The following MAST4 variants were observed in gnomAD, a reference collection of about 807,000 sequenced individuals.
MAST4 encodes microtubule associated serine/threonine kinase family member 4, also known as microtubule-associated serine/threonine-protein kinase 4.
A neutral mutation model predicts 162.7 loss-of-function variants in MAST4; 89 were observed. That is an observed-to-expected ratio of 0.55 (90% CI 0.46 to 0.65). The LOEUF (loss-of-function observed/expected upper bound fraction) is 0.65, where lower values mean the gene tolerates loss of function less well. Ranked by LOEUF, MAST4 falls within the 30% of genes least tolerant of loss-of-function variation. The pLI, the probability that MAST4 is intolerant of heterozygous loss-of-function variation, is 0.00. For missense variants in MAST4, 3,153 were observed against 3,374.0 expected, an observed-to-expected ratio of 0.93 and a Z score of 1.62; for synonymous variants, 1,479 against 1,361.1, an observed-to-expected ratio of 1.09 and a Z score of -1.91.
chr5:66,957,227 C>A (rs140574620), intron 4 of MAST4, among the ~76,000 whole-genome samples: 1 of 152,078 alleles, frequency 6.6e-6, no homozygotes, highest in Non-Finnish European at 1.5e-5. Flanking sequence ...AGGGTGGTAA[C>A]TGATTTTTTT....
In MAST4 at chr5:67,133,494, C is replaced by T; in HGVS notation, c.2094-20C>T. 1 of 1,611,398 alleles carries T rather than the reference C, an allele frequency of 6.2e-7. No individual in the cohort carries two copies. The highest frequency in any genetic ancestry group is 8.5e-7 in the Non-Finnish European group (1 of 1,178,170). On this transcript the variant is annotated intron_variant, in intron 16 of 28. Transcript: ENST00000403625. ...AGCTTATAAAGTGATTATTGTGTTA[C>T]ATGTCCGTCTGCCTCATAGCTTGTT... is the stretch of plus-strand genomic sequence containing the variant.
intron 3 of MAST4, among the ~76,000 whole-genome samples, chr5:66,892,685 A>T (rs1051446718): frequency 2.0e-5 from 3 of 152,218 alleles, no homozygotes; most frequent in Non-Finnish European, 2.9e-5. Context: ...CTGCTCGTGT[A>T]TTTATTCAAA....
At chr5:67,112,284 T>G (rs1050436731) in intron 11 of MAST4, among the ~76,000 whole-genome samples, 6 of 152,202 alleles carry the variant, frequency 3.9e-5, no homozygotes, top group African/African-American at 1.4e-4. Context: ...CCTGCTGTGC[T>G]CTCACAACAT....
intron 26 of MAST4, among the ~76,000 whole-genome samples, chr5:67,153,914 G>T (rs1772157022): frequency 6.6e-6 from 1 of 152,070 alleles, no homozygotes; most frequent in African/African-American, 2.4e-5. Context: ...CTTCTAACAG[G>T]TTTCATTCTA....
chr5:67,092,212 T>C (rs1024975523), intron 6 of MAST4, among the ~76,000 whole-genome samples: 5 of 152,226 alleles, frequency 3.3e-5, no homozygotes, highest in East Asian at 1.9e-4. Flanking sequence ...TGAGGAAATA[T>C]TGCTCTGTTT....
chr5:67,100,729 A>G lies in MAST4; in HGVS notation c.1070+137A>G, dbSNP rs149611141. ...ATTACAAATATAGTGTGATGTTTCC[A>G]TGTACACATAATATTGTTAATTACC... On this transcript the variant is annotated intron_variant, in intron 8 of 28. Transcript: ENST00000403625. 109 of 1,050,900 alleles carry G rather than the reference A, an allele frequency of 1.0e-4. No homozygotes were observed. The African/African-American group carries it at 1.3e-3, about 13-fold the overall frequency. The allele number at this position is 1,050,900 out of a possible 1,614,324, so 65.1% of individuals were successfully genotyped here.
chr5:66,875,318 A>G (rs1035167189), intron 3 of MAST4, among the ~76,000 whole-genome samples: 3 of 152,216 alleles, frequency 2.0e-5, no homozygotes, highest in African/African-American at 7.2e-5. Flanking sequence ...CAGGGATGAT[A>G]AATTTCTAAT....
intron 23 of MAST4, 45 bp from the exon 24 acceptor site, chr5:67,149,344 A>C (rs1771499523): frequency 6.4e-7 from 1 of 1,555,920 alleles, no homozygotes; most frequent in Non-Finnish European, 8.8e-7. Context: ...CACCTCTCCT[A>C]TCCTGGATTT....
At chr5:66,727,590 C>A (rs1156636901) in intron 1 of MAST4, among the ~76,000 whole-genome samples, 1 of 152,108 alleles carries the variant, frequency 6.6e-6, no homozygotes, top group Non-Finnish European at 1.5e-5. Context: ...TTGTGCTGAG[C>A]ACTTCTTGAG....
At chr5:67,061,752 A>G (rs1759633279) in intron 5 of MAST4, among the ~76,000 whole-genome samples, 1 of 148,828 alleles carries the variant, frequency 6.7e-6, no homozygotes, top group Admixed American at 6.8e-5. Flanking sequence ...GCATTTCTTT[A>G]CCTTTTCATA....
chr5:66,616,214 A>C (rs1307822368), intron 1 of MAST4, among the ~76,000 whole-genome samples: 1 of 152,176 alleles, frequency 6.6e-6, no homozygotes, highest in Non-Finnish European at 1.5e-5. Context: ...CCGTCACTTT[A>C]TTACGTGGAT....
intron 3 of MAST4, among the ~76,000 whole-genome samples, chr5:66,851,363 G>A (rs1341675519): frequency 1.3e-5 from 2 of 152,216 alleles, no homozygotes; most frequent in African/African-American, 4.8e-5. Flanking sequence ...TTTAATAGGA[G>A]GGTGGGCAGG....
At chr5:67,145,406 G>C (rs1554026362) in intron 23 of MAST4, 27 bp downstream of exon 23, 3 of 1,592,650 alleles carry the variant, frequency 1.9e-6, no homozygotes, top group Non-Finnish European at 2.6e-6. Context: ...AGTGCCTGCT[G>C]TCCTCCTCAC....
intron 1 of MAST4, among the ~76,000 whole-genome samples, chr5:66,652,947 G>A (rs138287442): frequency 2.5e-3 from 375 of 152,290 alleles, no homozygotes; most frequent in Middle Eastern, 0.017. Context: ...TTGTTAATGT[G>A]TATGTCAATG....
intron 4 of MAST4, among the ~76,000 whole-genome samples, chr5:67,048,486 C>A (rs1757652283): frequency 6.6e-6 from 1 of 152,008 alleles, no homozygotes; most frequent in Non-Finnish European, 1.5e-5. Flanking sequence ...TCAGTGAGGG[C>A]AGCAGTAACA....
At chr5:66,819,336 G>A (rs1422008129) in intron 3 of MAST4, among the ~76,000 whole-genome samples, 1 of 152,178 alleles carries the variant, frequency 6.6e-6, no homozygotes, top group Non-Finnish European at 1.5e-5. Context: ...ATTGGTGAAA[G>A]TCACCAGAAG....
At chr5:67,010,063 T>A (rs182266219) in intron 4 of MAST4, among the ~76,000 whole-genome samples, 1 of 152,300 alleles carries the variant, frequency 6.6e-6, no homozygotes, top group East Asian at 1.9e-4. Flanking sequence ...GAACCTATAT[T>A]ATACTTGCCC....
chr5:66,631,988 A>G (rs1744823338), intron 1 of MAST4, among the ~76,000 whole-genome samples: 1 of 152,158 alleles, frequency 6.6e-6, no homozygotes, highest in South Asian at 2.1e-4. Context: ...TTGTGTTGGG[A>G]GATGCTTGAC....
chr5:66,927,094 C>G (rs919441879), intron 4 of MAST4, among the ~76,000 whole-genome samples: 1 of 152,122 alleles, frequency 6.6e-6, no homozygotes, highest in African/African-American at 2.4e-5. Flanking sequence ...CTCTCGTTTT[C>G]TTTTATCATT....
Sources: allele counts gnomAD v4.1 joint callset (sites outside exome capture counted in the v4.1 genomes callset), GRCh38; gene constraint gnomAD v4.1.1; transcripts MANE v1.5; gene names NCBI Gene and HGNC (gene_info 2026-07-23, HGNC 2026-07-21).